Variants in KAT6B observed in about 807,000 individuals in gnomAD.
The protein encoded by KAT6B is histone acetyltransferase KAT6B.
Under a neutral mutation model 187.5 loss-of-function variants are expected in KAT6B, and 10 were observed. That is an observed-to-expected ratio of 0.05 (90% confidence interval 0.03 to 0.09). KAT6B has a LOEUF of 0.09. KAT6B is among the 10% of genes least tolerant of loss of function. The pLI is 1.00. For missense variants in KAT6B, 1,952 were observed against 2,558.9 expected (o/e 0.76, Z 5.12); for synonymous variants, 861 against 926.8 (o/e 0.93, Z 1.29).
At position 74,882,241 on chromosome 10, in the gene KAT6B, A is replaced by C. The variant is rs532535219; in HGVS notation, c.621+38763A>C. ...TATTCTTCCTCTTGCTATTAGTATTAATCTGGCTCACTGACTCTTTTCCTT... is the reference window on the plus strand; with the variant it reads ...TATTCTTCCTCTTGCTATTAGTATTCATCTGGCTCACTGACTCTTTTCCTT... On this transcript the variant is annotated intron_variant, in intron 3 of 17. Transcript: ENST00000287239. 6.6e-5 allele frequency among the ~76,000 whole-genome samples: 10 copies of C among 152,226 alleles called. No individual in the cohort carries two copies. The South Asian group carries it at 2.1e-3, about 32-fold the overall frequency.
intron 3 of KAT6B, among the ~76,000 whole-genome samples, chr10:74,878,545 G>A (rs1467777360): frequency 1.3e-5 from 2 of 151,332 alleles, no homozygotes; most frequent in Admixed American, 6.6e-5. Context: ...ACTTGAACCC[G>A]GGAGGTGGAG....
upstream of KAT6B, among the ~76,000 whole-genome samples, chr10:74,826,193 C>T (rs1464751080): frequency 6.6e-6 from 1 of 151,698 alleles, no homozygotes; most frequent in Non-Finnish European, 1.5e-5. Flanking sequence ...CGTCTGCAGC[C>T]AATAAGGCTA....
At chr10:74,861,312 A>G (rs2132290893) in intron 3 of KAT6B, among the ~76,000 whole-genome samples, 1 of 152,328 alleles carries the variant, frequency 6.6e-6, no homozygotes, top group East Asian at 1.9e-4. Context: ...AAAGGTAAAA[A>G]AAAAGAAACA....
chr10:74,881,107 A>G (rs564499580), intron 3 of KAT6B, among the ~76,000 whole-genome samples: 1 of 151,604 alleles, frequency 6.6e-6, no homozygotes, highest in South Asian at 2.1e-4. Flanking sequence ...ATGGGGTTTC[A>G]CCATATTGGT....
intron 3 of KAT6B, 41 bp from the exon 4 acceptor site, chr10:74,959,929 A>G: frequency 7.7e-7 from 1 of 1,304,116 alleles, no homozygotes; most frequent in Non-Finnish European, 1.1e-6. Context: ...TACTTTTGAA[A>G]TGGAAAAGTG....
At chr10:74,964,612 A>G (rs937838313) in intron 4 of KAT6B, among the ~76,000 whole-genome samples, 1 of 152,118 alleles carries the variant, frequency 6.6e-6, no homozygotes, top group Non-Finnish European at 1.5e-5. Flanking sequence ...GAGCTTTTCC[A>G]ACGAGTCTAC....
At position 74,975,828 on chromosome 10, in the gene KAT6B, A is replaced by G. The variant is rs764515650; in HGVS notation, c.1491A>G (p.Pro497=). Residue 497 remains proline (P), a synonymous_variant, in exon 8 of 18, where the codon CCA becomes CCG. Transcript: ENST00000287239. Reference sequence around the variant, plus strand: ...CTCCACCTTCTTCACTTCCACCCCCAACCCCCATCTCCGGTCAGAGCCCCA... The same window carrying G: ...CTCCACCTTCTTCACTTCCACCCCCGACCCCCATCTCCGGTCAGAGCCCCA... ...LKPPPSSLPP[P]TPISGQSPSS... 7 of 1,613,912 alleles carry G rather than the reference A, an allele frequency of 4.3e-6. No individual in the cohort carries two copies. The East Asian group carries it at 6.7e-5, about 15-fold the overall frequency.
At chr10:74,863,034 A>G (rs1166083065) in intron 3 of KAT6B, among the ~76,000 whole-genome samples, 2 of 152,166 alleles carry the variant, frequency 1.3e-5, no homozygotes, top group Admixed American at 6.5e-5. Context: ...ACCTCATGTT[A>G]TTTAAGTAAT....
At chr10:74,993,855 A>G (rs1843260806) in intron 13 of KAT6B, among the ~76,000 whole-genome samples, 1 of 152,226 alleles carries the variant, frequency 6.6e-6, no homozygotes, top group Non-Finnish European at 1.5e-5. Context: ...GGAATACCAT[A>G]GAAGTGACCG....
chr10:74,911,278 T>C lies in KAT6B; in HGVS notation c.622-48692T>C, dbSNP rs182170458. Among the ~76,000 whole-genome samples the C allele has an allele frequency of 3.3e-4, 50 of 151,832 alleles. 1 individual carries two copies. In the East Asian group the frequency reaches 7.9e-3, roughly 24 times the overall value. ...CTTAGTCTACTTTCTTTTTCTTTTT[T>C]TTTTTTTTTTGAGACTAAGTATTGC... On this transcript the variant is annotated intron_variant, in intron 3 of 17. Coordinates refer to ENST00000287239, the MANE Select transcript of KAT6B (RefSeq NM_012330.4).
intron 7 of KAT6B, among the ~76,000 whole-genome samples, chr10:74,973,631 G>C (rs1449076830): frequency 2.6e-5 from 4 of 151,978 alleles, no homozygotes; most frequent in African/African-American, 9.7e-5. Context: ...GTATTCTCCC[G>C]CACCTTTATC....
chr10:75,003,044 TG>T (rs1462931686), intron 13 of KAT6B: 1 of 152,246 alleles, frequency 6.6e-6, no homozygotes, highest in African/African-American at 2.4e-5. Context: ...CCATCAGCAC[TG>T]GTTTACTTAC....
At chr10:74,836,068 A>G (rs1308922921) in intron 1 of KAT6B, among the ~76,000 whole-genome samples, 1 of 152,160 alleles carries the variant, frequency 6.6e-6, no homozygotes, top group Non-Finnish European at 1.5e-5. Context: ...AAATTATATG[A>G]TGTGTGGCCT....
At chr10:74,977,507 T>C in intron 9 of KAT6B, 70 bp downstream of exon 9, 1 of 1,560,944 alleles carries the variant, frequency 6.4e-7, no homozygotes, top group Non-Finnish European at 8.8e-7. Flanking sequence ...ATGGAATTAC[T>C]GTGTTGATTT....
intron 13 of KAT6B, among the ~76,000 whole-genome samples, chr10:75,003,806 T>C (rs1482393859): frequency 6.6e-6 from 1 of 152,228 alleles, no homozygotes; most frequent in East Asian, 1.9e-4. Flanking sequence ...TGACTGTTGC[T>C]GAATGCATTG....
rs376159143 is a variant in KAT6B, at chr10:75,001,377, C to G, written c.2629+12265C>G. Among the ~76,000 whole-genome samples the G allele has an allele frequency of 3.1e-4, 47 of 152,256 alleles. 1 individual carries two copies. In the South Asian group the frequency reaches 8.9e-3, roughly 29 times the overall value. ...AGCATCTTCTCTTTGGTTTCCTGCT[C>G]CCTGCTTCTCTGCCCTTTTAAGTCC... On this transcript the variant is annotated intron_variant, in intron 13 of 17. Transcript: ENST00000287239.
intron 4 of KAT6B, among the ~76,000 whole-genome samples, chr10:74,962,614 G>T (rs1299891528): frequency 6.6e-6 from 1 of 152,196 alleles, no homozygotes; most frequent in Non-Finnish European, 1.5e-5. Flanking sequence ...ATGGCAGCCT[G>T]TGGGGAGGAT....
rs549342626 is a variant in KAT6B at position 74,835,399 on chromosome 10, A to C, written c.-328-3284A>C. 2.6e-5 allele frequency among the ~76,000 whole-genome samples: 4 copies of C among 152,336 alleles called. No individual in the cohort carries two copies. In the East Asian group the frequency reaches 7.7e-4, roughly 29 times the overall value. ...GTAATCAGAGGAACACTTCCTTTAA[A>C]GCGAATCTTATGGGGAAGACAAATA... On this transcript the variant is annotated intron_variant, in intron 1 of 17. Coordinates refer to ENST00000287239, the MANE Select transcript of KAT6B (RefSeq NM_012330.4).
At chr10:74,919,239 TA>T (rs924948956) in intron 3 of KAT6B, among the ~76,000 whole-genome samples, 13 of 152,042 alleles carry the variant, frequency 8.6e-5, no homozygotes, top group African/African-American at 3.1e-4. Context: ...TCTATATATA[TA>T]TATTTTTTTC....
Sources: gnomAD v4.1 joint callset for allele counts (sites outside exome capture counted in the v4.1 genomes callset) on GRCh38, gnomAD v4.1.1 for gene constraint, MANE v1.5 for transcripts, NCBI Gene and HGNC (gene_info 2026-07-23, HGNC 2026-07-21) for gene names.